SLC14A2: variants seen among roughly 807,000 people sequenced by gnomAD.
SLC14A2 encodes the protein urea transporter 2.
SLC14A2 carries 91 observed loss-of-function variants against 104.6 expected under a neutral mutation model. That is an observed-to-expected ratio of 0.87 (90% CI 0.73 to 1.04). The LOEUF (loss-of-function observed/expected upper bound fraction) is 1.04. Ranked by LOEUF, SLC14A2 falls within the 50% of genes least tolerant of loss-of-function variation. The probability of loss-of-function intolerance (pLI) is 0.00; values close to 1 mark genes in which losing one functional copy is unlikely to be tolerated. For synonymous variants in SLC14A2, 476 were observed against 466.4 expected (o/e 1.02, Z -0.27); for missense variants, 1,189 against 1,156.0 (o/e 1.03, Z -0.41).
chr18:45,517,723 A>G (rs1406629318), intron 2 of SLC14A2, among the ~76,000 whole-genome samples: 3 of 152,232 alleles, frequency 2.0e-5, no homozygotes, highest in Admixed American at 2.0e-4. Flanking sequence ...CCCTCCCTCC[A>G]GGACTTTCTG....
chr18:45,668,389 C>G lies in SLC14A2; in HGVS notation c.1948C>G (p.Leu650Val). 6.2e-7 allele frequency: 1 copy of G among 1,614,096 alleles called. No homozygotes were observed. The highest frequency in any genetic ancestry group is 8.5e-7 in the Non-Finnish European group (1 of 1,180,002). The stretch of plus-strand genomic sequence containing the variant: ...AGGATTTCACGGCTACAATGGGGTG[C>G]TGGTGGGGCTGCTGATGGCCGTGTT... ...AAGFHGYNGV[L>V]VGLLMAVFSD... The change falls in exon 15 of 20, where the codon CTG (leucine) becomes GTG (valine). Residue 650 changes from leucine (L) to valine (V), a missense_variant. Physicochemically the swap from Leu to Val is conservative, Grantham distance 32 (BLOSUM62 1). Transcript: ENST00000255226.
chr18:45,581,391 C>A (rs143652314), intron 2 of SLC14A2, among the ~76,000 whole-genome samples: 2 of 152,034 alleles, frequency 1.3e-5, no homozygotes, highest in African/African-American at 2.4e-5. Flanking sequence ...GGAGAGAGGC[C>A]GTGGAGCCAG....
chr18:45,657,569 GAAAAGAAAGAAAAGAA>G (rs2045862154), intron 10 of SLC14A2, among the ~76,000 whole-genome samples: 2 of 151,024 alleles, frequency 1.3e-5, no homozygotes, highest in African/African-American at 4.9e-5. Flanking sequence ...AGAAAGGAAA[GAAAAGAAAGAAAAGAA>G]AAAAGAAAGA....
rs2045970677 is a variant in SLC14A2 at position 45,663,841 on chromosome 18, G to T, written c.1408G>T (p.Ala470Ser). The T allele has an allele frequency of 1.9e-6, 3 of 1,612,888 alleles. No homozygotes were observed. Among genetic ancestry groups the T allele is most frequent in the Non-Finnish European group, 2.5e-6 (3 of 1,179,442 alleles). The change falls in exon 11 of 20, where the codon GCT (alanine) becomes TCT (serine). Residue 470 changes from alanine to serine, a missense_variant. Ala to Ser is a moderately conservative substitution (Grantham distance 99, BLOSUM62 1). Coordinates refer to ENST00000255226, the MANE Select transcript of SLC14A2 (RefSeq NM_007163.4). ...AGPKVEEGSE[A>S]VLSKHRSVFH... is the part of the protein sequence containing the mutation. ...CCCAAAGGTGGAGGAGGGCTCGGAG[G>T]CTGTGCTCTCCAAGCACAGGAGTGT...
At chr18:45,270,088 G>A (rs1454198159) in intron 1 of SLC14A2, among the ~76,000 whole-genome samples, 1 of 151,876 alleles carries the variant, frequency 6.6e-6, no homozygotes. Flanking sequence ...GATGATGGAG[G>A]GGTTGGTGGA....
At chr18:45,479,403 G>T (rs2087449748) in intron 1 of SLC14A2, among the ~76,000 whole-genome samples, 1 of 152,182 alleles carries the variant, frequency 6.6e-6, no homozygotes, top group Non-Finnish European at 1.5e-5. Flanking sequence ...TTTCAGGCCT[G>T]TCCTCAAAAG....
intron 2 of SLC14A2, among the ~76,000 whole-genome samples, chr18:45,497,017 A>G (rs1200978629): frequency 6.6e-6 from 1 of 152,152 alleles, no homozygotes; most frequent in Non-Finnish European, 1.5e-5. Context: ...ACTCAGACTG[A>G]GCCACTACCA....
chr18:45,273,174 C>T (rs1169445394), intron 1 of SLC14A2, among the ~76,000 whole-genome samples: 1 of 152,108 alleles, frequency 6.6e-6, no homozygotes, highest in Non-Finnish European at 1.5e-5. Context: ...TTGCTATGTA[C>T]TGGTTTTATT....
chr18:45,222,244 T>C (rs2073099074), intron 1 of SLC14A2, among the ~76,000 whole-genome samples: 1 of 152,244 alleles, frequency 6.6e-6, no homozygotes, highest in African/African-American at 2.4e-5. Flanking sequence ...AATTAGTTGC[T>C]ACTTATCTTT....
intron 2 of SLC14A2, among the ~76,000 whole-genome samples, chr18:45,586,404 A>T (rs2044567833): frequency 6.6e-6 from 1 of 152,242 alleles, no homozygotes; most frequent in South Asian, 2.1e-4. Context: ...TGACGCTCAT[A>T]AACTTTGAAG....
chr18:45,231,048 C>A (rs1246767642), intron 1 of SLC14A2, among the ~76,000 whole-genome samples: 1 of 152,140 alleles, frequency 6.6e-6, no homozygotes, highest in Non-Finnish European at 1.5e-5. Context: ...TACCAGCCTC[C>A]TGGAAATGTC....
At chr18:45,592,653 G>A (rs2044664623) in intron 2 of SLC14A2, among the ~76,000 whole-genome samples, 3 of 152,204 alleles carry the variant, frequency 2.0e-5, no homozygotes, top group South Asian at 4.1e-4. Flanking sequence ...AAAGGTACAG[G>A]CATTTGAGAG....
In SLC14A2 at chr18:45,423,649, T is replaced by C. The variant is rs571742524; in HGVS notation, c.-124-59584T>C. 6 of 152,268 alleles carry C rather than the reference T, an allele frequency of 3.9e-5. No individual in the cohort carries two copies. In the South Asian group the frequency reaches 1.0e-3, roughly 26 times the overall value. 9.4% of individuals were successfully genotyped at this position (152,268 alleles called of 1,614,324 possible). A position where few individuals can be genotyped will look rare whatever the true frequency, so the allele number is the denominator to read the frequency against. On this transcript the variant is annotated intron_variant, in intron 1 of 20. Transcript: ENST00000586448. ...CCTCTGAGCTGGAAATCAAGCTTTT[T>C]GACAGTCACAAATAAAAAAAAATCT...
At chr18:45,347,630 T>C (rs531058844) in intron 1 of SLC14A2, among the ~76,000 whole-genome samples, 1 of 152,344 alleles carries the variant, frequency 6.6e-6, no homozygotes, top group African/African-American at 2.4e-5. Context: ...CTGGTTATAA[T>C]AACTACAGCT....
At chr18:45,402,877 G>T (rs1356735521) in intron 1 of SLC14A2, among the ~76,000 whole-genome samples, 1 of 152,214 alleles carries the variant, frequency 6.6e-6, no homozygotes, top group Non-Finnish European at 1.5e-5. Flanking sequence ...TCAGAGAGTG[G>T]TGACTAAAGC....
At chr18:45,331,350 T>C (rs755533525) in intron 1 of SLC14A2, among the ~76,000 whole-genome samples, 1 of 152,224 alleles carries the variant, frequency 6.6e-6, no homozygotes, top group Non-Finnish European at 1.5e-5. Flanking sequence ...TTTCTAAAGA[T>C]GGCAAAGAAG....
At chr18:45,460,437 T>C (rs1417564666) in intron 1 of SLC14A2, among the ~76,000 whole-genome samples, 1 of 152,182 alleles carries the variant, frequency 6.6e-6, no homozygotes, top group Non-Finnish European at 1.5e-5. Context: ...GAATTTGAGA[T>C]TCAAGGGACC....
chr18:45,194,172 T>C, the SLC14A2 span, among the ~76,000 whole-genome samples: 8 of 152,232 alleles, frequency 5.3e-5, no homozygotes, highest in African/African-American at 1.7e-4. Context: ...ATTTCTTTCC[T>C]ATATGAATGC....
rs181595747 is a variant in SLC14A2 at position 45,321,006 on chromosome 18, A to G, written c.-125+107815A>G. Among the ~76,000 whole-genome samples, 427 of 152,358 alleles carry G rather than the reference A, an allele frequency of 2.8e-3. 3 individuals carry two copies. Among genetic ancestry groups the G allele is most frequent in the Non-Finnish European group, 4.7e-3 (321 of 68,030 alleles). Reference sequence around the variant, plus strand: ...ATTCTGGGCAACAAGACATTGAACCAGGGTTCTTAGCTGCAGCCCTAGTTA... The same window carrying G: ...ATTCTGGGCAACAAGACATTGAACCGGGGTTCTTAGCTGCAGCCCTAGTTA... On this transcript the variant is annotated intron_variant, in intron 1 of 20. Coordinates refer to the SLC14A2 transcript ENST00000586448.
Sources: gnomAD v4.1 joint callset for allele counts (sites outside exome capture counted in the v4.1 genomes callset) on GRCh38, gnomAD v4.1.1 for gene constraint, MANE v1.5 for transcripts, NCBI Gene and HGNC (gene_info 2026-07-23, HGNC 2026-07-21) for gene names.